The following NOXRED1 variants were observed in gnomAD, a reference collection of about 807,000 sequenced individuals.
NOXRED1 encodes the protein NADP dependent oxidoreductase domain containing 1, also known as NADP-dependent oxidoreductase domain-containing protein 1.
In NOXRED1, 20 loss-of-function variants were observed where a neutral mutation model predicts 30.4. The ratio of observed to expected loss-of-function variants is 0.66; its 90% CI spans 0.46 to 0.96. The LOEUF is 0.96. Ranked by LOEUF, NOXRED1 falls within the 40% of genes least tolerant of loss-of-function variation. The pLI, the probability that NOXRED1 is intolerant of heterozygous loss-of-function variation, is 0.00. For synonymous variants in NOXRED1, 155 were observed against 168.0 expected, an observed-to-expected ratio of 0.92 and a Z score of 0.60; for missense variants, 374 against 428.0, an observed-to-expected ratio of 0.87 and a Z score of 1.11.
chr14:77,417,330 G>A (rs769061709), intron 1 of NOXRED1, among the ~76,000 whole-genome samples: 1 of 152,194 alleles, frequency 6.6e-6, no homozygotes, highest in Non-Finnish European at 1.5e-5. Flanking sequence ...TGTTGTTCAA[G>A]TCTTCTGTTT....
intron 2 of NOXRED1, among the ~76,000 whole-genome samples, chr14:77,408,639 G>A (rs367843163): frequency 1.3e-4 from 20 of 152,226 alleles, no homozygotes; most frequent in African/African-American, 4.3e-4. Flanking sequence ...AAGCAGAAAC[G>A]AGTAGCAGTC....
chr14:77,406,090 G>GC lies in NOXRED1; in HGVS notation c.727dup (p.Ala243GlyfsTer22). Reference sequence around the variant, plus strand: ...TCTTGCTGTGCATATGTTTAGGGCCGCATAGAACACTCCCTCCAACCACTT... The same window carrying GC: ...TCTTGCTGTGCATATGTTTAGGGCCGCCATAGAACACTCCCTCCAACCACTT... On this transcript the variant is annotated frameshift_variant, in exon 5 of 6. Coordinates refer to ENST00000380835, the MANE Select transcript of NOXRED1 (RefSeq NM_001113475.3). LOFTEE classifies it high-confidence loss of function. 1 of 1,613,408 alleles carries GC rather than the reference G, an allele frequency of 6.2e-7. No homozygotes were observed.
Position 77,394,676 on chromosome 14 carries a change from T to G in NOXRED1, c.1035A>C (p.Leu345=), listed in dbSNP as rs1346716225. The stretch of plus-strand genomic sequence containing the variant: ...TGGAAATGACTGGCTGTTCTTTGGT[T>G]AGGGAGATGCCAAATGAAGCACAGT... ...HLYCASFGIS[L]TKEQPVISTG... Residue 345 remains leucine, a synonymous_variant, in exon 6 of 6, where the codon CTA becomes CTC. Coordinates refer to ENST00000380835, the MANE Select transcript of NOXRED1 (RefSeq NM_001113475.3). 2.5e-6 allele frequency: 4 copies of G among 1,613,368 alleles called. No homozygotes were observed. The highest frequency in any genetic ancestry group is 3.4e-6 in the Non-Finnish European group (4 of 1,179,560).
chr14:77,407,518 G>C lies in NOXRED1; in HGVS notation c.477C>G (p.Ser159Arg), dbSNP rs188778580. Residue 159 changes from serine to arginine, a missense_variant, in exon 3 of 6, where the codon AGC becomes AGG. Transcript: ENST00000380835. Reference protein sequence around the residue: ...LPNICVEIYTSLEKASIVYSF... With the variant: ...LPNICVEIYTRLEKASIVYSF... ...TGTACACAATGCTGGCCTTCTCAAG[G>C]CTGGTGTAAATTTCTACGCAGATAT... 10 of 1,614,058 alleles carry C rather than the reference G, an allele frequency of 6.2e-6. No individual in the cohort carries two copies. In the East Asian group the frequency reaches 2.2e-4, roughly 36 times the overall value.
chr14:77,418,275 C>T (rs1210793252), intron 1 of NOXRED1, among the ~76,000 whole-genome samples: 1 of 152,050 alleles, frequency 6.6e-6, no homozygotes, highest in African/African-American at 2.4e-5. Context: ...GCTGGGACTA[C>T]AGGCACACAC....
Position 77,394,454 on chromosome 14 carries a change from C to T in NOXRED1, c.*177G>A, listed in dbSNP as rs974855747. The T allele has an allele frequency of 1.2e-4, 52 of 447,918 alleles. No individual in the cohort carries two copies. Among genetic ancestry groups the T allele is most frequent in the African/African-American group, 6.0e-5 (3 of 50,202 alleles). The allele number at this position is 447,918 out of a possible 1,614,324, so 27.7% of individuals were successfully genotyped here. ...GCCAGATACATATTGATGGATAGGACCACTTGTTTTATTCTACATTTTAAA... is the reference window on the plus strand; with the variant it reads ...GCCAGATACATATTGATGGATAGGATCACTTGTTTTATTCTACATTTTAAA... On this transcript the variant is annotated 3_prime_UTR_variant, in exon 6 of 6. Coordinates refer to ENST00000380835, the MANE Select transcript of NOXRED1 (RefSeq NM_001113475.3).
Position 77,423,084 on chromosome 14 carries a change from C to G in NOXRED1, c.-195G>C. 1.8e-6 allele frequency: 1 copy of G among 550,610 alleles called. No individual in the cohort carries two copies. The allele number at this position is 550,610 out of a possible 1,614,324, so 34.1% of individuals were successfully genotyped here. ...AATTCACCTCTCTTGAATTCACACT[C>G]TAGAGTGTGAGTGTTTGAGGATTCC... On this transcript the variant is annotated 5_prime_UTR_variant, in exon 1 of 6. Coordinates refer to ENST00000380835, the MANE Select transcript of NOXRED1 (RefSeq NM_001113475.3).
At position 77,416,903 on chromosome 14, in the gene NOXRED1, C is replaced by T. The variant is rs746737437; in HGVS notation, c.156-2776G>A. Among the ~76,000 whole-genome samples, 3 of 152,106 alleles carry T rather than the reference C, an allele frequency of 2.0e-5. No homozygotes were observed. The East Asian group carries it at 5.8e-4, about 29-fold the overall frequency. On this transcript the variant is annotated intron_variant, in intron 1 of 5. Coordinates refer to ENST00000380835, the MANE Select transcript of NOXRED1 (RefSeq NM_001113475.3). ...GGGGCTCCTCACCTCCCAGTAGGGG[C>T]GGCCCTTTCTTATTTTTAACGTAGG...
rs79648865 is a variant in NOXRED1, at chr14:77,396,741, G to T, written c.906-1936C>A. 3.2e-3 allele frequency among the ~76,000 whole-genome samples: 484 copies of T among 152,288 alleles called. 2 individuals are homozygous for T. The highest frequency in any genetic ancestry group is 6.8e-3 in the Middle Eastern group (2 of 294). ...CTTAGATGTAAATCCAATAAAACATGTACAAGACTTGCATAATAAAAACTA... is the reference window on the plus strand; with the variant it reads ...CTTAGATGTAAATCCAATAAAACATTTACAAGACTTGCATAATAAAAACTA... On this transcript the variant is annotated intron_variant, in intron 5 of 5. Coordinates refer to ENST00000380835, the MANE Select transcript of NOXRED1 (RefSeq NM_001113475.3).
intron 5 of NOXRED1, among the ~76,000 whole-genome samples, chr14:77,400,168 G>C (rs1380361351): frequency 6.6e-6 from 1 of 152,152 alleles, no homozygotes; most frequent in Non-Finnish European, 1.5e-5. Context: ...CAAAAATTGA[G>C]GGAATTTGTT....
At position 77,416,820 on chromosome 14, in the gene NOXRED1, C is replaced by T. The variant is rs176775; in HGVS notation, c.156-2693G>A. Among the ~76,000 whole-genome samples the T allele has an allele frequency of 3.4e-4, 51 of 151,554 alleles. No individual in the cohort carries two copies. In the East Asian group the frequency reaches 7.3e-3, roughly 22 times the overall value. On this transcript the variant is annotated intron_variant, in intron 1 of 5. Transcript: ENST00000380835. ...CTCACCTCCCGGACAGGGCGGCTGG[C>T]CGGGCGGGGGGCTGACCCCCCCACC... is the stretch of plus-strand genomic sequence containing the variant.
At chr14:77,411,328 G>A (rs1363537874) in intron 2 of NOXRED1, among the ~76,000 whole-genome samples, 1 of 151,762 alleles carries the variant, frequency 6.6e-6, no homozygotes, top group African/African-American at 2.4e-5. Flanking sequence ...AAATTAGCTG[G>A]GCATGGTGGT....
At position 77,407,664 on chromosome 14, in the gene NOXRED1, G is replaced by A; in HGVS notation, c.350-19C>T. 2.5e-6 allele frequency: 4 copies of A among 1,592,918 alleles called. No individual in the cohort carries two copies. Among genetic ancestry groups the A allele is most frequent in the Non-Finnish European group, 3.4e-6 (4 of 1,160,810 alleles). ...AGCTCACCTGGGAGGGATAAAGGAA[G>A]ACAGGAAGAGCACAGTACTAAAGAG... On this transcript the variant is annotated intron_variant, in intron 2 of 5. Transcript: ENST00000380835.
chr14:77,394,552 C>A lies in NOXRED1; in HGVS notation c.*79G>T. 1 of 1,041,410 alleles carries A rather than the reference C, an allele frequency of 9.6e-7. No homozygotes were observed. 64.5% of individuals were successfully genotyped at this position (1,041,410 alleles called of 1,614,324 possible). On this transcript the variant is annotated 3_prime_UTR_variant, in exon 6 of 6. Coordinates refer to ENST00000380835, the MANE Select transcript of NOXRED1 (RefSeq NM_001113475.3). ...ACACAATACAGCCACAAGACTCCCA[C>A]AGTCAATTGTGATAATCAGGGCACA...
At chr14:77,414,900 G>T (rs1385175826) in intron 1 of NOXRED1, among the ~76,000 whole-genome samples, 1 of 151,996 alleles carries the variant, frequency 6.6e-6, no homozygotes, top group Non-Finnish European at 1.5e-5. Context: ...ACACATGCTG[G>T]GTACGGTGGC....
At chr14:77,413,712 G>A (rs1051116598) in intron 2 of NOXRED1, among the ~76,000 whole-genome samples, 1 of 152,044 alleles carries the variant, frequency 6.6e-6, no homozygotes, top group Non-Finnish European at 1.5e-5. Context: ...ACCACCAAGG[G>A]CACAGGGAGG....
At chr14:77,411,689 T>A (rs1434668971) in intron 2 of NOXRED1, among the ~76,000 whole-genome samples, 1 of 152,100 alleles carries the variant, frequency 6.6e-6, no homozygotes, top group East Asian at 1.9e-4. Context: ...AAGTGGCAAC[T>A]TTTGGGGGTG....
At chr14:77,398,163 A>G (rs1010830896) in intron 5 of NOXRED1, among the ~76,000 whole-genome samples, 2 of 152,094 alleles carry the variant, frequency 1.3e-5, no homozygotes, top group East Asian at 3.9e-4. Flanking sequence ...TGTAACTGAC[A>G]AATTGCTGGA....
intron 2 of NOXRED1, among the ~76,000 whole-genome samples, chr14:77,410,934 T>C (rs982562675): frequency 1.3e-5 from 2 of 152,152 alleles, no homozygotes; most frequent in African/African-American, 4.8e-5. Flanking sequence ...CATTAGAAGT[T>C]TCTTTAAATT....
Sources: gnomAD v4.1 joint callset for allele counts (sites outside exome capture counted in the v4.1 genomes callset) on GRCh38, gnomAD v4.1.1 for gene constraint, MANE v1.5 for transcripts, NCBI Gene and HGNC (gene_info 2026-07-23, HGNC 2026-07-21) for gene names.